DOCK5: variants seen among roughly 807,000 people sequenced by gnomAD.
DOCK5 encodes the protein dedicator of cytokinesis protein 5.
DOCK5 carries 142 observed loss-of-function variants against 251.8 expected under a neutral mutation model. The observed-to-expected ratio is 0.56, with a 90% CI of 0.49 to 0.65. The LOEUF (loss-of-function observed/expected upper bound fraction) is 0.65. DOCK5 is among the 30% of genes least tolerant of loss of function. The pLI is 0.00. For missense variants in DOCK5, 2,111 were observed against 2,312.3 expected (o/e 0.91, Z 1.79); for synonymous variants, 842 against 835.5 (o/e 1.01, Z -0.13).
intron 2 of DOCK5, among the ~76,000 whole-genome samples, 197 bp from the exon 3 acceptor site, chr8:25,268,648 G>C (rs2117598735): frequency 6.6e-6 from 1 of 152,166 alleles, no homozygotes; most frequent in East Asian, 1.9e-4. Flanking sequence ...TTGTTATTAA[G>C]AGAATACAGC....
At chr8:25,407,286 C>G (rs886576002) in intron 48 of DOCK5, among the ~76,000 whole-genome samples, 6 of 151,926 alleles carry the variant, frequency 3.9e-5, no homozygotes, top group African/African-American at 1.5e-4. Flanking sequence ...ATCTAGATTA[C>G]TACATTCTAG....
chr8:25,259,105 G>A (rs923686403), intron 2 of DOCK5, among the ~76,000 whole-genome samples: 2 of 152,292 alleles, frequency 1.3e-5, no homozygotes, highest in African/African-American at 4.8e-5. Flanking sequence ...GGGTGACAGA[G>A]CGAGACTCTG....
chr8:25,187,768 A>G (rs550394550), intron 1 of DOCK5, among the ~76,000 whole-genome samples: 36 of 152,052 alleles, frequency 2.4e-4, no homozygotes, highest in Non-Finnish European at 4.9e-4. Flanking sequence ...CTGTTGTGCA[A>G]CATACCCTGC....
chr8:25,193,043 G>T (rs921368238), intron 1 of DOCK5, among the ~76,000 whole-genome samples: 2 of 152,092 alleles, frequency 1.3e-5, no homozygotes, highest in African/African-American at 2.4e-5. Flanking sequence ...AAAAAAGGAG[G>T]AAGCTGATAC....
chr8:25,224,243 C>T (rs868791631), intron 1 of DOCK5, among the ~76,000 whole-genome samples: 13 of 152,226 alleles, frequency 8.5e-5, no homozygotes, highest in Middle Eastern at 3.4e-3. Context: ...CTCAACTGCC[C>T]GAGTAGCTGA....
At chr8:25,220,274 G>T (rs1350466252) in intron 1 of DOCK5, among the ~76,000 whole-genome samples, 1 of 151,762 alleles carries the variant, frequency 6.6e-6, no homozygotes, top group Non-Finnish European at 1.5e-5. Context: ...GTCCTTGGCC[G>T]CTTGTTCCTA....
At chr8:25,199,700 C>A (rs1407760811) in intron 1 of DOCK5, among the ~76,000 whole-genome samples, 1 of 152,186 alleles carries the variant, frequency 6.6e-6, no homozygotes, top group East Asian at 1.9e-4. Context: ...GCTCTATTTT[C>A]TTTGCTGGGA....
intron 37 of DOCK5, 162 bp downstream of exon 37, chr8:25,374,816 G>T: frequency 1.3e-6 from 2 of 1,505,368 alleles, no homozygotes; most frequent in Non-Finnish European, 8.9e-7. Context: ...CTAATTTGTA[G>T]ATCAAGTATG....
intron 1 of DOCK5, among the ~76,000 whole-genome samples, chr8:25,190,781 T>A (rs960992973): frequency 2.1e-5 from 2 of 95,900 alleles, no homozygotes; most frequent in Non-Finnish European, 4.7e-5. Flanking sequence ...CATGGGTTTT[T>A]TTTTTTTTTT....
intron 2 of DOCK5, among the ~76,000 whole-genome samples, chr8:25,247,535 T>C (rs920158883): frequency 3.3e-5 from 5 of 151,688 alleles, no homozygotes; most frequent in Admixed American, 3.3e-4. Flanking sequence ...AGGCAGAGGC[T>C]GCAGTGAGCT....
chr8:25,380,910 T>C (rs571109638), intron 39 of DOCK5, among the ~76,000 whole-genome samples: 1 of 150,966 alleles, frequency 6.6e-6, no homozygotes, highest in Non-Finnish European at 1.5e-5. Context: ...GAATGCCCAG[T>C]GGAGGCAGCA....
intron 2 of DOCK5, among the ~76,000 whole-genome samples, chr8:25,263,762 C>G (rs1462860051): frequency 6.6e-6 from 1 of 151,760 alleles, no homozygotes; most frequent in Non-Finnish European, 1.5e-5. Flanking sequence ...CTCTGACATG[C>G]CATGCCAGTC....
chr8:25,192,358 A>C (rs1168295191), intron 1 of DOCK5, among the ~76,000 whole-genome samples: 5 of 152,138 alleles, frequency 3.3e-5, no homozygotes, highest in African/African-American at 1.2e-4. Flanking sequence ...TGTCTTCCAC[A>C]ATGGTTGAAC....
At chr8:25,385,230 C>T (rs951457362) in intron 40 of DOCK5, among the ~76,000 whole-genome samples, 1 of 152,078 alleles carries the variant, frequency 6.6e-6, no homozygotes, top group African/African-American at 2.4e-5. Context: ...GCAGACTTTT[C>T]GTGTTGGAAA....
At chr8:25,203,983 G>A (rs114747685) in intron 1 of DOCK5, among the ~76,000 whole-genome samples, 152 of 152,080 alleles carry the variant, frequency 1.0e-3, no homozygotes, top group African/African-American at 3.1e-3. Context: ...GTGTTCTTTC[G>A]TCTTAGATGT....
intron 4 of DOCK5, chr8:25,277,496 C>G (rs908074353): frequency 2.0e-5 from 3 of 151,936 alleles, no homozygotes; most frequent in Non-Finnish European, 2.9e-5. Flanking sequence ...CTCCCAGATA[C>G]AGCACAGGGA....
intron 2 of DOCK5, among the ~76,000 whole-genome samples, chr8:25,266,602 G>T (rs373658081): frequency 6.6e-6 from 1 of 151,834 alleles, no homozygotes; most frequent in East Asian, 1.9e-4. Context: ...GACAACCCAG[G>T]TATGTAATGT....
chr8:25,289,417 G>A (rs1804426948), intron 5 of DOCK5, among the ~76,000 whole-genome samples: 1 of 151,726 alleles, frequency 6.6e-6, no homozygotes, highest in South Asian at 2.1e-4. Flanking sequence ...CTCCCAAAGT[G>A]CTGGGATTAC....
At chr8:25,265,949 A>T (rs2117593257) in intron 2 of DOCK5, among the ~76,000 whole-genome samples, 1 of 152,012 alleles carries the variant, frequency 6.6e-6, no homozygotes, top group Admixed American at 6.5e-5. Flanking sequence ...CAATCCCAAG[A>T]AAGCAGAAAA....
Sources: gnomAD v4.1 joint callset for allele counts (sites outside exome capture counted in the v4.1 genomes callset) on GRCh38, gnomAD v4.1.1 for gene constraint, MANE v1.5 for transcripts, NCBI Gene and HGNC (gene_info 2026-07-23, HGNC 2026-07-21) for gene names.